Variants in ATF3 observed in about 807,000 individuals in gnomAD.
The protein encoded by ATF3 is cyclic AMP-dependent transcription factor ATF-3.
In ATF3, 10 loss-of-function variants were observed where a neutral mutation model predicts 18.4. The observed-to-expected ratio is 0.54, with a 90% CI of 0.34 to 0.92. The LOEUF (loss-of-function observed/expected upper bound fraction) is 0.92, where lower values mean the gene tolerates loss of function less well. Among genes scored for constraint, ATF3 ranks in the 40% least tolerant of loss-of-function variants. The pLI is 0.02. For missense variants in ATF3, 183 were observed against 222.3 expected (o/e 0.82, Z 1.12); for synonymous variants, 78 against 87.9 (o/e 0.89, Z 0.63).
At chr1:212,585,243 C>T (rs574260286) in intron 1 of ATF3, among the ~76,000 whole-genome samples, 2 of 152,282 alleles carry the variant, frequency 1.3e-5, no homozygotes, top group South Asian at 2.1e-4. Context: ...GCCCAGGGGA[C>T]GTGAAGGCGC....
rs1461235844 is a variant in ATF3 at position 212,609,377 on chromosome 1, G to T, written c.-5+447G>T. 2.5e-3 allele frequency among the ~76,000 whole-genome samples: 203 copies of T among 80,330 alleles called. 2 individuals are homozygous for T. Among genetic ancestry groups the T allele is most frequent in the Non-Finnish European group, 3.5e-3 (135 of 38,318 alleles). The allele number at this position is 80,330 out of a possible 152,430, so 52.7% of individuals were successfully genotyped here. The stretch of plus-strand genomic sequence containing the variant: ...TGTGGGAGCCGATCCTTCCCGGGTG[G>T]GGGGGGGGGGGCGCAGAGAGGCACG... On this transcript the variant is annotated intron_variant, in intron 1 of 3. Transcript: ENST00000341491.
Position 212,615,204 on chromosome 1 carries a change from G to A in ATF3, c.183G>A (p.Ala61=), listed in dbSNP as rs774446012. ...ACCTCTGCCACCGGATGTCCTCTGC[G>A]CTGGAATCAGTCACTGTCAGCGACA... ...NKHLCHRMSS[A]LESVTVSDRP... The change falls in exon 2 of 4, where the codon GCG becomes GCA. Residue 61 remains alanine (A), a synonymous_variant. Transcript: ENST00000341491. 2.0e-5 allele frequency: 32 copies of A among 1,614,048 alleles called. No individual in the cohort carries two copies. Among genetic ancestry groups the A allele is most frequent in the African/African-American group, 2.7e-5 (2 of 74,912 alleles).
Position 212,619,720 on chromosome 1 carries a change from T to C in ATF3, c.*165T>C. ...GCAGTGATTCAGCAGGCCCTTCCCA[T>C]TCTGCCCCAGAGTGGGTCTTGGACC... On this transcript the variant is annotated 3_prime_UTR_variant, in exon 4 of 4. Transcript: ENST00000341491. The surrounding 1 kb of genome is among the most constrained non-coding windows in gnomAD (Gnocchi z 4.4). 1.1e-6 allele frequency: 1 copy of C among 928,120 alleles called. No individual in the cohort carries two copies. Among genetic ancestry groups the C allele is most frequent in the Non-Finnish European group, 1.6e-6 (1 of 627,712 alleles). The allele number at this position is 928,120 out of a possible 1,614,324, so 57.5% of individuals were successfully genotyped here.
chr1:212,608,201 G>A (rs574990699), upstream of ATF3, among the ~76,000 whole-genome samples: 60 of 152,350 alleles, frequency 3.9e-4, no homozygotes, highest in Admixed American at 8.5e-4. Context: ...TAGAGAAGTA[G>A]GAGGCCAGTG....
intron 1 of ATF3, among the ~76,000 whole-genome samples, chr1:212,575,512 T>C (rs1571757610): frequency 6.6e-6 from 1 of 152,106 alleles, no homozygotes; most frequent in Non-Finnish European, 1.5e-5. Flanking sequence ...TCTTTTTCCA[T>C]TGTTTTATAT....
intron 1 of ATF3, among the ~76,000 whole-genome samples, chr1:212,600,702 G>GC (rs1285172390): frequency 1.3e-5 from 2 of 152,152 alleles, no homozygotes; most frequent in Non-Finnish European, 2.9e-5. Flanking sequence ...GAGCCGTCCT[G>GC]CCCCACTTTA....
Position 212,600,847 on chromosome 1 carries a change from G to A in ATF3, c.-4-14171G>A, listed in dbSNP as rs144063924. Among the ~76,000 whole-genome samples, 6 of 152,254 alleles carry A rather than the reference G, an allele frequency of 3.9e-5. No individual in the cohort carries two copies. The South Asian group carries it at 1.0e-3, about 26-fold the overall frequency. On this transcript the variant is annotated intron_variant, in intron 1 of 3. Coordinates refer to the ATF3 transcript ENST00000366981. ...GGTATCCAGCATATAGTTGGTGCTC[G>A]TTAAAATGTTGGAGGACTAAACATA...
At chr1:212,606,738 T>C (rs1021978116), upstream of ATF3, among the ~76,000 whole-genome samples, 12 of 152,272 alleles carry the variant, frequency 7.9e-5, no homozygotes, top group African/African-American at 2.9e-4. Flanking sequence ...GAACAATCTA[T>C]AAGTAGATAA....
At chr1:212,598,708 T>A (rs191103731) in intron 1 of ATF3, among the ~76,000 whole-genome samples, 112 of 152,326 alleles carry the variant, frequency 7.4e-4, no homozygotes, top group Non-Finnish European at 1.3e-3. Context: ...TGAGAACATA[T>A]GATGTTTGTC....
chr1:212,601,221 A>G (rs1247104810), intron 1 of ATF3, among the ~76,000 whole-genome samples: 1 of 152,216 alleles, frequency 6.6e-6, no homozygotes, highest in African/African-American at 2.4e-5. Context: ...CTCAGTCAAT[A>G]ACAGGGCTTA....
At chr1:212,591,935 A>G (rs962245049) in intron 1 of ATF3, among the ~76,000 whole-genome samples, 1 of 152,154 alleles carries the variant, frequency 6.6e-6, no homozygotes, top group African/African-American at 2.4e-5. Context: ...TTTTAAAGCA[A>G]ATCATAGGCA....
At chr1:212,615,409 G>C (rs1456169941) in intron 2 of ATF3, 148 bp downstream of exon 2, 18 of 1,017,532 alleles carry the variant, frequency 1.8e-5, no homozygotes, top group Non-Finnish European at 2.4e-5. Flanking sequence ...CCTGGGAGGA[G>C]ACAGAAGTAC....
intron 1 of ATF3, among the ~76,000 whole-genome samples, chr1:212,579,639 T>C (rs923654492): frequency 3.3e-5 from 5 of 152,138 alleles, no homozygotes; most frequent in African/African-American, 4.8e-5. Context: ...TAAAAGACCT[T>C]GGTTTTAGGG....
At chr1:212,569,515 G>C (rs1185708964) in intron 1 of ATF3, among the ~76,000 whole-genome samples, 2 of 152,182 alleles carry the variant, frequency 1.3e-5, no homozygotes, top group Admixed American at 1.3e-4. Flanking sequence ...AGAGAAAGGA[G>C]ACAGTAGACA....
At chr1:212,610,752 AC>A (rs1226185133) in intron 1 of ATF3, among the ~76,000 whole-genome samples, 2 of 151,732 alleles carry the variant, frequency 1.3e-5, no homozygotes, top group Non-Finnish European at 2.9e-5. Flanking sequence ...AGGACTCTTG[AC>A]CCCTTATCTA....
chr1:212,575,479 A>T (rs1279040595), intron 1 of ATF3, among the ~76,000 whole-genome samples: 1 of 152,156 alleles, frequency 6.6e-6, no homozygotes, highest in Non-Finnish European at 1.5e-5. Flanking sequence ...TTTTCAGCAA[A>T]CGAAAACAGC....
At chr1:212,616,580 G>A (rs557801044) in intron 2 of ATF3, among the ~76,000 whole-genome samples, 1 of 152,152 alleles carries the variant, frequency 6.6e-6, no homozygotes, top group African/African-American at 2.4e-5. Context: ...TTACAGGTGT[G>A]AGCCACCACG....
chr1:212,579,981 A>G (rs1462435044), intron 1 of ATF3, among the ~76,000 whole-genome samples: 3 of 137,684 alleles, frequency 2.2e-5, no homozygotes, highest in East Asian at 4.2e-4. Context: ...CGTCTCTACT[A>G]AAAAAAAAAA....
intron 1 of ATF3, among the ~76,000 whole-genome samples, chr1:212,596,095 G>A (rs1414051704): frequency 1.3e-5 from 2 of 152,146 alleles, no homozygotes; most frequent in East Asian, 1.9e-4. Flanking sequence ...ATATTCCTTC[G>A]ATGAATTAAT....
Sources: gnomAD v4.1 joint callset for allele counts (sites outside exome capture counted in the v4.1 genomes callset) on GRCh38, gnomAD v4.1.1 for gene constraint, Gnocchi (gnomAD v3.1) non-coding constraint, MANE v1.5 for transcripts, NCBI Gene and HGNC (gene_info 2026-07-23, HGNC 2026-07-21) for gene names.